The following ZC3H7B variants were observed in gnomAD, a reference collection of about 807,000 sequenced individuals.
The protein encoded by ZC3H7B is zinc finger CCCH domain-containing protein 7B.
ZC3H7B carries 35 observed loss-of-function variants against 116.0 expected under a neutral mutation model. That is an observed-to-expected ratio of 0.30 (90% CI 0.23 to 0.40). The LOEUF is 0.40. ZC3H7B is among the 10% of genes least tolerant of loss of function. The pLI is 1.00. For missense variants in ZC3H7B, 1,011 were observed against 1,321.5 expected (o/e 0.77, Z 3.64); for synonymous variants, 502 against 545.6 (o/e 0.92, Z 1.11).
At chr22:41,340,598 C>T (rs750574432) in intron 10 of ZC3H7B, among the ~76,000 whole-genome samples, 1 of 152,144 alleles carries the variant, frequency 6.6e-6, no homozygotes, top group East Asian at 1.9e-4. Context: ...CCAGGGCACT[C>T]GACTGAGAGG....
Position 41,332,158 on chromosome 22 carries a change from C to T in ZC3H7B, c.526-13C>T. Reference sequence around the variant, plus strand: ...ATCTTTACCTCTGCCCACCTCTCTCCAATCTCTGGCAGGAATTGGAAACCT... The same window carrying T: ...ATCTTTACCTCTGCCCACCTCTCTCTAATCTCTGGCAGGAATTGGAAACCT... On this transcript the variant is annotated splice_polypyrimidine_tract_variant and intron_variant, in intron 6 of 22. Transcript: ENST00000352645. The T allele has an allele frequency of 1.2e-6, 2 of 1,614,092 alleles. No homozygotes were observed. The highest frequency in any genetic ancestry group is 1.7e-6 in the Non-Finnish European group (2 of 1,179,974).
At chr22:41,356,948 G>C (rs943041463) in intron 22 of ZC3H7B, 140 bp downstream of exon 22, 1 of 1,355,362 alleles carries the variant, frequency 7.4e-7, no homozygotes, top group Non-Finnish European at 1.0e-6. Context: ...CCATGGGGGT[G>C]GTGGGGAAGG....
intron 10 of ZC3H7B, among the ~76,000 whole-genome samples, chr22:41,340,666 G>A (rs1366823687): frequency 1.3e-5 from 2 of 152,168 alleles, no homozygotes; most frequent in Admixed American, 1.3e-4. Flanking sequence ...GGCCAAAGGA[G>A]GCTTCCTGGA....
chr22:41,358,788 C>T lies in ZC3H7B; in HGVS notation c.*1359C>T, dbSNP rs560956144. 2 of 155,040 alleles carry T rather than the reference C, an allele frequency of 1.3e-5. No individual in the cohort carries two copies. Among genetic ancestry groups the T allele is most frequent in the African/African-American group, 4.8e-5 (2 of 41,596 alleles). The allele number at this position is 155,040 out of a possible 1,614,324, so 9.6% of individuals were successfully genotyped here. A position where few individuals can be genotyped will look rare whatever the true frequency, so the allele number is the denominator to read the frequency against. On this transcript the variant is annotated 3_prime_UTR_variant, in exon 23 of 23. Transcript: ENST00000352645. Reference sequence around the variant, plus strand: ...CTGTGTGCACCCCCCTCCTCTCCACCCTACCTTCCATCAACCAGGGCAGAT... The same window carrying T: ...CTGTGTGCACCCCCCTCCTCTCCACTCTACCTTCCATCAACCAGGGCAGAT...
At chr22:41,335,535 C>T (rs1375086858) in intron 7 of ZC3H7B, 2 of 152,172 alleles carry the variant, frequency 1.3e-5, no homozygotes, top group Admixed American at 6.5e-5. Flanking sequence ...GGAGAATCAC[C>T]GCTTTCCCTA....
intron 19 of ZC3H7B, 33 bp downstream of exon 19, chr22:41,355,895 C>A (rs767907569): frequency 1.2e-6 from 2 of 1,611,234 alleles, no homozygotes; most frequent in Non-Finnish European, 1.7e-6. Context: ...GGGGGTCCCC[C>A]AGGAGGCAGC....
chr22:41,333,861 T>C (rs1252345582), intron 7 of ZC3H7B: 3 of 152,254 alleles, frequency 2.0e-5, no homozygotes, highest in Non-Finnish European at 2.9e-5. Flanking sequence ...ATGAGGGCTG[T>C]GAAGGCAGAG....
At position 41,346,031 on chromosome 22, in the gene ZC3H7B, C is replaced by T. The variant is rs951145180; in HGVS notation, c.1488C>T (p.Tyr496=). 6 of 1,614,092 alleles carry T rather than the reference C, an allele frequency of 3.7e-6. No individual in the cohort carries two copies. The highest frequency in any genetic ancestry group is 2.2e-5 in the South Asian group (2 of 91,090). ...KDMINKQDCK[Y]GDNCTFAYHQ... ...TGATTAACAAGCAGGACTGTAAGTA[C>T]GGGGATAACTGCACCTTCGCCTACC... Residue 496 remains tyrosine, a synonymous_variant, in exon 14 of 23, where the codon TAC becomes TAT. Coordinates refer to ENST00000352645, the MANE Select transcript of ZC3H7B (RefSeq NM_017590.6). This position sits in a 1 kb window ranked among gnomAD's most constrained non-coding sequence, Gnocchi z 5.3.
At chr22:41,345,149 C>G (rs1373032519) in intron 13 of ZC3H7B, among the ~76,000 whole-genome samples, 1 of 152,160 alleles carries the variant, frequency 6.6e-6, no homozygotes, top group Non-Finnish European at 1.5e-5. Context: ...TCACTTGATT[C>G]CAACAACCCA....
rs181202082 is a variant in ZC3H7B at position 41,305,001 on chromosome 22, C to G, written c.-7+3229C>G. On this transcript the variant is annotated intron_variant, in intron 1 of 22. Coordinates refer to ENST00000352645, the MANE Select transcript of ZC3H7B (RefSeq NM_017590.6). ...CCAAGGCGAGCTGATCACTTGAGGT[C>G]ACGAGTTCGAGACCAGACCTGGCAA... Among the ~76,000 whole-genome samples the G allele has an allele frequency of 1.3e-3, 193 of 152,206 alleles. 1 individual carries two copies. The highest frequency in any genetic ancestry group is 6.8e-3 in the Middle Eastern group (2 of 294).
rs1377499882 is a variant in ZC3H7B at position 41,321,539 on chromosome 22, C to T, written c.53+826C>T. On this transcript the variant is annotated intron_variant, in intron 2 of 22. Coordinates refer to ENST00000352645, the MANE Select transcript of ZC3H7B (RefSeq NM_017590.6). ...CATTTAAAAAATTTTTTTGTAGAGA[C>T]GAGGTCTTGCTATGTTGCCCAGGCT... Among the ~76,000 whole-genome samples, 5 of 151,686 alleles carry T rather than the reference C, an allele frequency of 3.3e-5. No homozygotes were observed. The East Asian group carries it at 5.8e-4, about 18-fold the overall frequency.
Position 41,327,791 on chromosome 22 carries a change from C to T in ZC3H7B, c.444+427C>T, listed in dbSNP as rs539261350. Among the ~76,000 whole-genome samples, 17 of 152,016 alleles carry T rather than the reference C, an allele frequency of 1.1e-4. No homozygotes were observed. The highest frequency in any genetic ancestry group is 3.3e-4 in the Admixed American group (5 of 15,246). ...TACAAAATTTAGCCGGGCATGATGG[C>T]GTGTGCCTGTTTTGCTAATTCTGTT... On this transcript the variant is annotated intron_variant, in intron 5 of 22. Coordinates refer to ENST00000352645, the MANE Select transcript of ZC3H7B (RefSeq NM_017590.6). This position sits in a 1 kb window ranked among gnomAD's most constrained non-coding sequence, Gnocchi z 4.5.
At chr22:41,345,353 A>AG (rs1349784748) in intron 13 of ZC3H7B, among the ~76,000 whole-genome samples, 1 of 152,056 alleles carries the variant, frequency 6.6e-6, no homozygotes, top group African/African-American at 2.4e-5. Context: ...TGGGAGGCCG[A>AG]GGGGGGTGGA....
chr22:41,349,064 G>C lies in ZC3H7B; in HGVS notation c.1767-56G>C. On this transcript the variant is annotated intron_variant, in intron 15 of 22. Coordinates refer to ENST00000352645, the MANE Select transcript of ZC3H7B (RefSeq NM_017590.6). The surrounding 1 kb of genome is among the most constrained non-coding windows in gnomAD (Gnocchi z 4.9). ...CTGGGAAGGTGGCCCTACCAGGAGAGAAGGTCAGAGGGGCTGCGGACTGCA... is the reference window on the plus strand; with the variant it reads ...CTGGGAAGGTGGCCCTACCAGGAGACAAGGTCAGAGGGGCTGCGGACTGCA... The C allele has an allele frequency of 1.3e-6, 2 of 1,578,504 alleles. No individual in the cohort carries two copies. Among genetic ancestry groups the C allele is most frequent in the Non-Finnish European group, 1.7e-6 (2 of 1,159,046 alleles).
intron 11 of ZC3H7B, among the ~76,000 whole-genome samples, chr22:41,342,007 AG>A (rs1569240216): frequency 1.3e-5 from 2 of 151,326 alleles, no homozygotes; most frequent in Non-Finnish European, 2.9e-5. Context: ...GGTTGCGGTG[AG>A]CTGAGAGCAC....
At chr22:41,353,907 G>A (rs2145943166) in intron 17 of ZC3H7B, among the ~76,000 whole-genome samples, 1 of 152,342 alleles carries the variant, frequency 6.6e-6, no homozygotes, top group East Asian at 1.9e-4. Context: ...GAGCCTGGCA[G>A]GGAAGGAGTG....
At chr22:41,352,009 C>G (rs934760106) in intron 17 of ZC3H7B, among the ~76,000 whole-genome samples, 1 of 152,054 alleles carries the variant, frequency 6.6e-6, no homozygotes, top group African/African-American at 2.4e-5. Flanking sequence ...TTTTTAAGAC[C>G]GTGGGTCTGG....
At position 41,339,815 on chromosome 22, in the gene ZC3H7B, G is replaced by A. The variant is rs761588014; in HGVS notation, c.817-1G>A. 8.8e-6 allele frequency: 14 copies of A among 1,589,588 alleles called. No homozygotes were observed. In the African/African-American group the frequency reaches 1.5e-4, roughly 17 times the overall value. On this transcript the variant is annotated splice_acceptor_variant, in intron 9 of 22. Transcript: ENST00000352645. LOFTEE classifies it high-confidence loss of function. The stretch of plus-strand genomic sequence containing the variant: ...CCCCTCCCTCTGTCCCTGCCTCATA[G>A]TCTCTGGTCCAGGGTGGCCTGTCTG...
chr22:41,340,502 C>G (rs1392538380), intron 10 of ZC3H7B, among the ~76,000 whole-genome samples: 2 of 152,200 alleles, frequency 1.3e-5, no homozygotes, highest in South Asian at 4.1e-4. Flanking sequence ...CCCACTGCAC[C>G]ACTCTGGGCT....
Sources: gnomAD v4.1 joint callset for allele counts (sites outside exome capture counted in the v4.1 genomes callset) on GRCh38, gnomAD v4.1.1 for gene constraint, Gnocchi (gnomAD v3.1) non-coding constraint, MANE v1.5 for transcripts, NCBI Gene and HGNC (gene_info 2026-07-23, HGNC 2026-07-21) for gene names.